LRRC56: variants seen among roughly 807,000 people sequenced by gnomAD.
LRRC56 encodes leucine rich repeat containing 56.
In LRRC56, 41 loss-of-function variants were observed where a neutral mutation model predicts 47.8. The observed-to-expected ratio is 0.86, with a 90% CI of 0.67 to 1.11. LRRC56 has a LOEUF of 1.11. Ranked by LOEUF, LRRC56 falls within the 50% of genes most tolerant of loss-of-function variation. The pLI, the probability that LRRC56 is intolerant of heterozygous loss-of-function variation, is 0.00. For synonymous variants in LRRC56, 387 were observed against 311.2 expected (o/e 1.24, Z -2.56); for missense variants, 759 against 704.2 (o/e 1.08, Z -0.88).
chr11:509,015 A>G, the LRRC56 span, among the ~76,000 whole-genome samples: 1 of 152,200 alleles, frequency 6.6e-6, no homozygotes, highest in Non-Finnish European at 1.5e-5. Flanking sequence ...ACTGTACTCC[A>G]GCCTGGGCAA....
At chr11:546,867 G>A (rs1333954392) in intron 6 of LRRC56, among the ~76,000 whole-genome samples, 1 of 151,878 alleles carries the variant, frequency 6.6e-6, no homozygotes, top group African/African-American at 2.4e-5. Flanking sequence ...CCTGGCTAAC[G>A]TGGTGAAAAC....
At chr11:521,935 C>T in the LRRC56 span, among the ~76,000 whole-genome samples, 1 of 151,054 alleles carries the variant, frequency 6.6e-6, no homozygotes, top group Non-Finnish European at 1.5e-5. Context: ...CGATTAAAAT[C>T]AGCTGCCCAA....
chr11:533,677 C>G, upstream of LRRC56: 1 of 1,612,172 alleles, frequency 6.2e-7, no homozygotes, highest in Non-Finnish European at 8.5e-7. Context: ...AGGACATGCG[C>G]AGAGAGGACA....
the LRRC56 span, among the ~76,000 whole-genome samples, chr11:520,735 C>T: frequency 1.5e-4 from 23 of 152,268 alleles, 1 homozygote; most frequent in South Asian, 4.8e-3. Context: ...CCCCTCCATC[C>T]AGGGTCTCCT....
the LRRC56 span, among the ~76,000 whole-genome samples, chr11:518,990 G>A: frequency 1.6e-4 from 24 of 151,874 alleles, no homozygotes; most frequent in Admixed American, 1.6e-3. Context: ...GCGCGCTTAC[G>A]AGGGCGCGCG....
chr11:538,335 G>T (rs1851622653), intron 1 of LRRC56, among the ~76,000 whole-genome samples: 2 of 152,208 alleles, frequency 1.3e-5, no homozygotes, highest in African/African-American at 4.8e-5. Flanking sequence ...GAGGCTCGAG[G>T]CTGGCAGGCC....
At chr11:536,490 C>T (rs1851500010), upstream of LRRC56, among the ~76,000 whole-genome samples, 1 of 152,246 alleles carries the variant, frequency 6.6e-6, no homozygotes, top group South Asian at 2.1e-4. Context: ...ACAAAAAGGG[C>T]CGGGCGCGGT....
chr11:532,890 C>T (rs1851193544), upstream of LRRC56: 1 of 865,084 alleles, frequency 1.2e-6, no homozygotes, highest in Non-Finnish European at 1.9e-6. Context: ...AGGCCCACCA[C>T]ACACACGGGA....
rs199719771 is a variant in LRRC56, at chr11:550,120, C to T, written c.472C>T (p.Leu158=). Residue 158 remains leucine, a synonymous_variant, in exon 8 of 14, where the codon CTG becomes TTG. Transcript: ENST00000270115. ...CATCTCGGACCTGAGCCCACTGTGC[C>T]TGCTGGAACAATTGGAGGTGCTGGA... ...NNISDLSPLC[L]LEQLEVLDLE... is the part of the protein sequence containing the mutation. The T allele has an allele frequency of 4.3e-6, 7 of 1,613,514 alleles. No homozygotes were observed. Among genetic ancestry groups the T allele is most frequent in the African/African-American group, 4.0e-5 (3 of 75,058 alleles).
At position 554,911 on chromosome 11, in the gene LRRC56, G is replaced by A. The variant is rs1373382061; in HGVS notation, c.*635G>A. Reference sequence around the variant, plus strand: ...CGTTGGTTCAATAAATGATGCAGCGGACACAGCCCGCCCAGCCCCGGCGCC... The same window carrying A: ...CGTTGGTTCAATAAATGATGCAGCGAACACAGCCCGCCCAGCCCCGGCGCC... On this transcript the variant is annotated 3_prime_UTR_variant, in exon 14 of 14. Coordinates refer to ENST00000270115, the MANE Select transcript of LRRC56 (RefSeq NM_198075.4). The A allele has an allele frequency of 4.4e-6, 5 of 1,144,422 alleles. No homozygotes were observed. Among genetic ancestry groups the A allele is most frequent in the South Asian group, 1.6e-5 (1 of 60,646 alleles). 70.9% of individuals were successfully genotyped at this position (1,144,422 alleles called of 1,614,324 possible).
upstream of LRRC56, among the ~76,000 whole-genome samples, chr11:536,194 C>T (rs1400743773): frequency 6.6e-6 from 1 of 152,244 alleles, no homozygotes; most frequent in East Asian, 1.9e-4. Context: ...CAGCCGTGTG[C>T]CCTGGGGCCA....
the LRRC56 span, chr11:532,433 T>TTCCTTCCTTCCTTGCTTCCG: frequency 3.0e-5 from 21 of 698,248 alleles, no homozygotes; most frequent in Non-Finnish European, 4.5e-5. Flanking sequence ...CCAGCAGCCC[T>TTCCTTCCTTCCTTGCTTCCG]TCCTTCCTTC....
chr11:540,793 G>A lies in LRRC56; in HGVS notation c.109G>A (p.Gly37Ser), dbSNP rs1423453636. 1 of 1,606,080 alleles carries A rather than the reference G, an allele frequency of 6.2e-7. No individual in the cohort carries two copies. The highest frequency in any genetic ancestry group is 8.5e-7 in the Non-Finnish European group (1 of 1,177,066). Reference sequence around the variant, plus strand: ...GCACAACCCCTGCCCACAGAGCAAGGGCCCTGGCAGTCAGAGGGACAGACT... The same window carrying A: ...GCACAACCCCTGCCCACAGAGCAAGAGCCCTGGCAGTCAGAGGGACAGACT... ...GLHNPCPQSK[G>S]PGSQRDRLGE... The change falls in exon 4 of 14, where the codon GGC (glycine) becomes AGC (serine). Residue 37 changes from glycine (G) to serine (S), a missense_variant. Transcript: ENST00000270115.
the LRRC56 span, among the ~76,000 whole-genome samples, chr11:512,758 T>G: frequency 1.1e-4 from 17 of 152,346 alleles, no homozygotes; most frequent in East Asian, 2.9e-3. Context: ...TCCATGCCAT[T>G]TAAAGTAATG....
intron 4 of LRRC56, 76 bp downstream of exon 4, chr11:540,937 G>A (rs527462490): frequency 5.7e-5 from 71 of 1,236,664 alleles, no homozygotes; most frequent in Middle Eastern, 2.7e-4. Context: ...CCTGCTGATG[G>A]TCCAGCCTGC....
chr11:513,631 C>T, the LRRC56 span, among the ~76,000 whole-genome samples: 1 of 152,082 alleles, frequency 6.6e-6, no homozygotes, highest in Non-Finnish European at 1.5e-5. Context: ...TACCAAACAG[C>T]ATCGCGTGCT....
chr11:525,564 A>G, the LRRC56 span, among the ~76,000 whole-genome samples: 1 of 151,674 alleles, frequency 6.6e-6, no homozygotes, highest in Admixed American at 6.6e-5. Flanking sequence ...AAAAAAAAAA[A>G]TCTCAAAAAC....
At chr11:545,666 C>T (rs918480101) in intron 6 of LRRC56, among the ~76,000 whole-genome samples, 5 of 152,202 alleles carry the variant, frequency 3.3e-5, no homozygotes, top group African/African-American at 7.2e-5. Flanking sequence ...TCACAACATT[C>T]GGAGCTGAAG....
chr11:513,332 A>G, the LRRC56 span, among the ~76,000 whole-genome samples: 5 of 152,034 alleles, frequency 3.3e-5, no homozygotes, highest in Non-Finnish European at 5.9e-5. Context: ...TTTGTATTGT[A>G]TTAGAGACAG....
Sources: gnomAD v4.1 joint callset for allele counts (sites outside exome capture counted in the v4.1 genomes callset) on GRCh38, gnomAD v4.1.1 for gene constraint, MANE v1.5 for transcripts, NCBI Gene and HGNC (gene_info 2026-07-23, HGNC 2026-07-21) for gene names.